Variants in OSGIN1 observed in about 807,000 individuals in gnomAD.
OSGIN1 encodes oxidative stress induced growth inhibitor 1.
Under a neutral mutation model 20.1 loss-of-function variants are expected in OSGIN1, and 19 were observed. That is an observed-to-expected ratio of 0.95 (90% CI 0.66 to 1.39). OSGIN1 has a LOEUF of 1.39. Among genes scored for constraint, OSGIN1 ranks in the 40% most tolerant of loss-of-function variants. The pLI is 0.00. For synonymous variants in OSGIN1, 368 were observed against 297.8 expected (o/e 1.24, Z -2.43); for missense variants, 820 against 653.0 (o/e 1.26, Z -2.79).
chr16:83,965,418 C>A lies in OSGIN1; in HGVS notation c.845C>A (p.Thr282Asn). The change falls in exon 6 of 6, where the codon ACC becomes AAC. Residue 282 changes from threonine to asparagine, a missense_variant. Physicochemically the swap from Thr to Asn is moderately conservative, Grantham distance 65. Coordinates refer to ENST00000393306, the MANE Select transcript of OSGIN1 (RefSeq NM_182981.3). ...LEAATRVGAV[T>N]PASDPVLIIG... ...GCCGCCACAAGGGTGGGTGCGGTGA[C>A]CCCGGCCTCAGACCCTGTCCTCATC... 1 of 1,580,486 alleles carries A rather than the reference C, an allele frequency of 6.3e-7. No homozygotes were observed. Among genetic ancestry groups the A allele is most frequent in the Non-Finnish European group, 8.6e-7 (1 of 1,166,422 alleles).
At chr16:83,959,433 T>A in intron 3 of OSGIN1, 37 bp downstream of exon 3, 1 of 1,551,804 alleles carries the variant, frequency 6.4e-7, no homozygotes, top group South Asian at 1.2e-5. Context: ...GGGTAGTACA[T>A]ACCCGCCCTT....
chr16:83,965,848 C>T lies in OSGIN1; in HGVS notation c.1275C>T (p.Asn425=). 6.2e-7 allele frequency: 1 copy of T among 1,613,004 alleles called. No homozygotes were observed. Among genetic ancestry groups the T allele is most frequent in the Non-Finnish European group, 8.5e-7 (1 of 1,180,000 alleles). Residue 425 remains asparagine, a synonymous_variant, in exon 6 of 6, where the codon AAC becomes AAT. Coordinates refer to ENST00000393306, the MANE Select transcript of OSGIN1 (RefSeq NM_182981.3). The part of the protein sequence containing the change: ...DPDQPLSAKR[N]PIDVDPFTYQ... ...ACCAGCCGCTGAGCGCCAAGAGGAACCCCATTGACGTGGACCCCTTCACCT... is the reference window on the plus strand; with the variant it reads ...ACCAGCCGCTGAGCGCCAAGAGGAATCCCATTGACGTGGACCCCTTCACCT...
At chr16:83,964,541 C>T (rs2084254068) in intron 5 of OSGIN1, among the ~76,000 whole-genome samples, 1 of 152,200 alleles carries the variant, frequency 6.6e-6, no homozygotes, top group Admixed American at 6.5e-5. Context: ...CTGCCTGTTT[C>T]TGAACTCTGT....
At chr16:83,962,319 A>G (rs188706459) in intron 5 of OSGIN1, among the ~76,000 whole-genome samples, 1 of 152,274 alleles carries the variant, frequency 6.6e-6, no homozygotes, top group African/African-American at 2.4e-5. Context: ...GCTCACTGCA[A>G]GCTCCGCCTC....
intron 5 of OSGIN1, among the ~76,000 whole-genome samples, chr16:83,964,058 C>T (rs1391851887): frequency 6.6e-6 from 1 of 152,014 alleles, no homozygotes; most frequent in African/African-American, 2.4e-5. Flanking sequence ...AATCCCAGCA[C>T]TTTGGGAGGC....
At chr16:83,955,067 T>A (rs1215418417) in intron 1 of OSGIN1, among the ~76,000 whole-genome samples, 1 of 152,144 alleles carries the variant, frequency 6.6e-6, no homozygotes, top group East Asian at 1.9e-4. Context: ...AGTCTCCTCA[T>A]CTGCAAAGTG....
At chr16:83,958,352 T>C (rs1160566956) in intron 2 of OSGIN1, among the ~76,000 whole-genome samples, 1 of 152,152 alleles carries the variant, frequency 6.6e-6, no homozygotes, top group Non-Finnish European at 1.5e-5. Context: ...GGAGGCCTGG[T>C]CCTGAGCCCA....
Position 83,953,870 on chromosome 16 carries a change from G to C in OSGIN1, c.-33+500G>C, listed in dbSNP as rs572923546. The stretch of plus-strand genomic sequence containing the variant: ...GGCTCAAGAGTGCGGCGGGTTGGGA[G>C]GGCGGCCCCTGGGAGGCTGGGGAGC... On this transcript the variant is annotated intron_variant, in intron 1 of 5. Transcript: ENST00000393306. 5.9e-5 allele frequency among the ~76,000 whole-genome samples: 9 copies of C among 152,364 alleles called. No individual in the cohort carries two copies. The East Asian group carries it at 1.7e-3, about 29-fold the overall frequency.
rs932020794 is a variant in OSGIN1 at position 83,965,793 on chromosome 16, G to T, written c.1220G>T (p.Gly407Val). The T allele has an allele frequency of 6.2e-7, 1 of 1,612,980 alleles. No homozygotes were observed. The highest frequency in any genetic ancestry group is 8.5e-7 in the Non-Finnish European group (1 of 1,179,944). ...GSHPDLSFLP[G>V]AGADFAVDPD... ...CACCCCGACCTCTCCTTCCTGCCTG[G>T]GGCAGGGGCTGACTTTGCAGTGGAT... Residue 407 changes from glycine to valine, a missense_variant, in exon 6 of 6, where the codon GGG becomes GTG. Coordinates refer to ENST00000393306, the MANE Select transcript of OSGIN1 (RefSeq NM_182981.3).
chr16:83,962,519 G>A (rs1028660165), intron 5 of OSGIN1, among the ~76,000 whole-genome samples: 2 of 152,232 alleles, frequency 1.3e-5, no homozygotes, highest in Non-Finnish European at 2.9e-5. Flanking sequence ...GGGATTACAG[G>A]CGTGAGCCAC....
intron 1 of OSGIN1, among the ~76,000 whole-genome samples, chr16:83,956,497 TG>T (rs1378811748): frequency 2.0e-5 from 3 of 152,084 alleles, no homozygotes; most frequent in Non-Finnish European, 4.4e-5. Flanking sequence ...GACACCTGGA[TG>T]GGCCCTGGAT....
intron 5 of OSGIN1, among the ~76,000 whole-genome samples, chr16:83,962,223 TA>T (rs2084223556): frequency 6.6e-6 from 1 of 152,048 alleles, no homozygotes; most frequent in Non-Finnish European, 1.5e-5. Context: ...TCAGTTAATT[TA>T]GGAAGTTTTG....
chr16:83,959,953 C>T (rs1421052625), intron 3 of OSGIN1, among the ~76,000 whole-genome samples: 1 of 152,180 alleles, frequency 6.6e-6, no homozygotes, highest in Non-Finnish European at 1.5e-5. Context: ...ATCCTCCCTC[C>T]GTACCCCTTG....
intron 2 of OSGIN1, 146 bp from the exon 3 acceptor site, chr16:83,959,114 T>G: frequency 3.2e-6 from 2 of 624,534 alleles, no homozygotes; most frequent in East Asian, 5.5e-5. Context: ...GCACAGTGTC[T>G]GGCACAGGCT....
rs200123255 is a variant in OSGIN1, at chr16:83,965,020, C to G, written c.489-42C>G. The G allele has an allele frequency of 6.5e-5, 86 of 1,326,552 alleles. No homozygotes were observed. In the African/African-American group the frequency reaches 1.0e-3, roughly 15 times the overall value. The allele number at this position is 1,326,552 out of a possible 1,614,324, so 82.2% of individuals were successfully genotyped here. A position where few individuals can be genotyped will look rare whatever the true frequency, so the allele number is the denominator to read the frequency against. On this transcript the variant is annotated intron_variant, in intron 5 of 5. Transcript: ENST00000393306. Reference sequence around the variant, plus strand: ...CCCGTCCCACCCAGCCCCCCAACCCCTAACAGTGTCTGACTCTGGCGTCCT... The same window carrying G: ...CCCGTCCCACCCAGCCCCCCAACCCGTAACAGTGTCTGACTCTGGCGTCCT...
chr16:83,958,031 C>T (rs1387032937), intron 2 of OSGIN1, among the ~76,000 whole-genome samples: 1 of 152,104 alleles, frequency 6.6e-6, no homozygotes, highest in East Asian at 1.9e-4. Context: ...TGCATGCCAC[C>T]ATGCCCAGCT....
intron 1 of OSGIN1, among the ~76,000 whole-genome samples, chr16:83,953,858 G>C (rs777635569): frequency 1.3e-5 from 2 of 152,228 alleles, no homozygotes; most frequent in Non-Finnish European, 2.9e-5. Context: ...TCAAGAGTGC[G>C]GCGGGTTGGG....
rs1597181162 is a variant in OSGIN1 at position 83,961,255 on chromosome 16, ACATTTTAG to A, written c.488+184_488+191del. The A allele has an allele frequency of 2.7e-5, 16 of 591,416 alleles. No individual in the cohort carries two copies. The East Asian group carries it at 4.2e-4, about 16-fold the overall frequency. 36.6% of individuals were successfully genotyped at this position (591,416 alleles called of 1,614,324 possible). A position where few individuals can be genotyped will look rare whatever the true frequency, so the allele number is the denominator to read the frequency against. On this transcript the variant is annotated intron_variant, in intron 5 of 5. Coordinates refer to ENST00000393306, the MANE Select transcript of OSGIN1 (RefSeq NM_182981.3). Reference sequence around the variant, plus strand: ...GTGATCCGGCACAGCTTGGTTTTATACATTTTAGGGAGACATGAGACATCAATCAATAT... The same window carrying A: ...GTGATCCGGCACAGCTTGGTTTTATAGGAGACATGAGACATCAATCAATAT...
intron 5 of OSGIN1, among the ~76,000 whole-genome samples, chr16:83,964,301 C>G (rs1193094100): frequency 7.7e-6 from 1 of 129,462 alleles, no homozygotes; most frequent in Non-Finnish European, 1.5e-5. Context: ...GAGACTCTGT[C>G]TCAAAAAATT....
Sources: gnomAD v4.1 joint callset for allele counts (sites outside exome capture counted in the v4.1 genomes callset) on GRCh38, gnomAD v4.1.1 for gene constraint, MANE v1.5 for transcripts, NCBI Gene and HGNC (gene_info 2026-07-23, HGNC 2026-07-21) for gene names.